Variants in BFSP2 observed in about 807,000 individuals in gnomAD.
The protein encoded by BFSP2 is phakinin.
A neutral mutation model predicts 44.9 loss-of-function variants in BFSP2; 38 were observed. The observed-to-expected ratio is 0.85, with a 90% confidence interval of 0.65 to 1.11. The LOEUF is 1.11. BFSP2 is among the 50% of genes least tolerant of loss of function. The pLI is 0.00. For synonymous variants in BFSP2, 197 were observed against 209.9 expected (o/e 0.94, Z 0.53); for missense variants, 525 against 533.0 (o/e 0.99, Z 0.15).
intron 4 of BFSP2, among the ~76,000 whole-genome samples, chr3:133,458,695 C>CA (rs917485524): frequency 1.9e-4 from 29 of 151,998 alleles, no homozygotes; most frequent in Non-Finnish European, 4.0e-4. Flanking sequence ...GACTTTGTCT[C>CA]AAAAAAACAA....
intron 1 of BFSP2, among the ~76,000 whole-genome samples, chr3:133,429,086 T>C (rs908795973): frequency 6.6e-6 from 1 of 152,158 alleles, no homozygotes; most frequent in Non-Finnish European, 1.5e-5. Context: ...CCCCTTGTAC[T>C]CTGTCCTGAT....
At position 133,424,216 on chromosome 3, in the gene BFSP2, T is replaced by TG. The variant is rs1559963358; in HGVS notation, c.490-23101_490-23100insG. On this transcript the variant is annotated intron_variant, in intron 1 of 6. Transcript: ENST00000302334. Reference sequence around the variant, plus strand: ...GCCTACCACCGCGTCCAGCTAATTTTTTTTTTTTTTTTTTTTTTTTTTTTT... The same window carrying TG: ...GCCTACCACCGCGTCCAGCTAATTTTGTTTTTTTTTTTTTTTTTTTTTTTTT... Among the ~76,000 whole-genome samples, 291 of 49,364 alleles carry TG rather than the reference T, an allele frequency of 5.9e-3. 3 individuals are homozygous for TG. Among genetic ancestry groups the TG allele is most frequent in the African/African-American group, 0.056 (223 of 3,976 alleles). The allele number at this position is 49,364 out of a possible 152,430, so 32.4% of individuals were successfully genotyped here.
intron 3 of BFSP2, chr3:133,448,863 T>C (rs2107924503): frequency 1.7e-6 from 1 of 594,846 alleles, no homozygotes; most frequent in South Asian, 2.1e-5. Flanking sequence ...ACCAGTGTGG[T>C]ACAGAAACAG....
chr3:133,455,533 C>A (rs1364113588), intron 4 of BFSP2: 3 of 152,214 alleles, frequency 2.0e-5, no homozygotes, highest in Non-Finnish European at 2.9e-5. Flanking sequence ...CACTCAGATA[C>A]TCCTCTTTTG....
chr3:133,429,126 A>G (rs1364170341), intron 1 of BFSP2: 2 of 150,252 alleles, frequency 1.3e-5, no homozygotes, highest in African/African-American at 2.5e-5. Flanking sequence ...CCCAGAGGTC[A>G]CTGCTGCCCT....
intron 2 of BFSP2, 89 bp downstream of exon 2, chr3:133,447,488 C>G: frequency 7.7e-7 from 1 of 1,300,954 alleles, no homozygotes; most frequent in South Asian, 1.3e-5. Context: ...CCTGCATCAT[C>G]CACCTTCTAC....
At position 133,408,668 on chromosome 3, in the gene BFSP2, G is replaced by C. The variant is rs183401256; in HGVS notation, c.489+8096G>C. Among the ~76,000 whole-genome samples, 106 of 152,334 alleles carry C rather than the reference G, an allele frequency of 7.0e-4. 2 individuals are homozygous for C. The highest frequency in any genetic ancestry group is 5.0e-3 in the Admixed American group (76 of 15,304). ...AATAAACCATGATGCATCTGCAAAG[G>C]AACAAGAAATCGCTCTATAGCTACT... is the stretch of plus-strand genomic sequence containing the variant. On this transcript the variant is annotated intron_variant, in intron 1 of 6. Coordinates refer to ENST00000302334, the MANE Select transcript of BFSP2 (RefSeq NM_003571.4).
At chr3:133,426,114 A>T (rs1221237505) in intron 1 of BFSP2, among the ~76,000 whole-genome samples, 1 of 147,756 alleles carries the variant, frequency 6.8e-6, no homozygotes, top group Admixed American at 6.8e-5. Flanking sequence ...TTAAAGTCAG[A>T]TTCTTTCTCT....
Position 133,400,088 on chromosome 3 carries a change from G to A in BFSP2, c.5G>A (p.Ser2Asn), listed in dbSNP as rs886058007. 3.5e-5 allele frequency: 56 copies of A among 1,614,062 alleles called. No individual in the cohort carries two copies. Among genetic ancestry groups the A allele is most frequent in the Non-Finnish European group, 4.5e-5 (53 of 1,180,026 alleles). Residue 2 changes from serine to asparagine, a missense_variant, in exon 1 of 7, where the codon AGT becomes AAT. Transcript: ENST00000302334. The surrounding 1 kb of genome is among the most constrained non-coding windows in gnomAD (Gnocchi z 4.0). ...ACCACAGAGGCAGAAGGGGTGATGA[G>A]TGAGAGGCGAGTGGTAGTGGACTTG... M[S>N]ERRVVVDLPT...
intron 1 of BFSP2, among the ~76,000 whole-genome samples, chr3:133,402,733 C>T (rs1050756942): frequency 1.3e-5 from 2 of 151,692 alleles, no homozygotes; most frequent in Non-Finnish European, 2.9e-5. Context: ...CTCCACCTCC[C>T]GGGTTCAAGC....
At chr3:133,440,136 T>C (rs1323264934) in intron 1 of BFSP2, among the ~76,000 whole-genome samples, 2 of 152,152 alleles carry the variant, frequency 1.3e-5, no homozygotes, top group Non-Finnish European at 2.9e-5. Context: ...CAAGAGACCA[T>C]GTGCAGGGGA....
intron 1 of BFSP2, among the ~76,000 whole-genome samples, chr3:133,425,907 A>G (rs577692078): frequency 3.5e-5 from 2 of 57,070 alleles, no homozygotes; most frequent in Admixed American, 2.1e-4. Context: ...GAAATAAGAG[A>G]AAGGAGGGCA....
intron 4 of BFSP2, among the ~76,000 whole-genome samples, chr3:133,457,096 G>A (rs1346962840): frequency 6.6e-6 from 1 of 152,188 alleles, no homozygotes; most frequent in Non-Finnish European, 1.5e-5. Context: ...TTGTGCTATT[G>A]CCATGTTAAC....
intron 4 of BFSP2, among the ~76,000 whole-genome samples, chr3:133,450,889 A>ATCATGAGG (rs2073957527): frequency 6.6e-6 from 1 of 152,186 alleles, no homozygotes; most frequent in African/African-American, 2.4e-5. Context: ...AGGCGGGCGG[A>ATCATGAGG]TCATGAGGTC....
intron 1 of BFSP2, chr3:133,410,681 G>A: frequency 3.8e-6 from 1 of 260,554 alleles, no homozygotes; most frequent in Non-Finnish European, 7.9e-6. Flanking sequence ...TGCAGCCCGT[G>A]GGCGGACAGG....
intron 1 of BFSP2, among the ~76,000 whole-genome samples, chr3:133,430,094 T>C (rs994502961): frequency 1.3e-5 from 2 of 151,920 alleles, no homozygotes; most frequent in African/African-American, 2.4e-5. Context: ...CTCATCCTTT[T>C]TTATGGCTGC....
chr3:133,468,980 TATTA>T (rs1453961525), intron 5 of BFSP2, among the ~76,000 whole-genome samples: 1 of 152,244 alleles, frequency 6.6e-6, no homozygotes, highest in Non-Finnish European at 1.5e-5. Context: ...TGCCATCTAT[TATTA>T]ATTATCATAT....
At chr3:133,467,842 G>A (rs747080439) in intron 5 of BFSP2, among the ~76,000 whole-genome samples, 13 of 152,088 alleles carry the variant, frequency 8.5e-5, no homozygotes, top group Admixed American at 1.3e-4. Flanking sequence ...TCAATGAGGC[G>A]CATGATAGGA....
chr3:133,415,182 C>G (rs2073506918), intron 1 of BFSP2, among the ~76,000 whole-genome samples: 1 of 105,880 alleles, frequency 9.4e-6, no homozygotes, highest in African/African-American at 3.7e-5. Context: ...CCCCTCTACT[C>G]AACTCTGTCC....
Sources: gnomAD v4.1 joint callset for allele counts (sites outside exome capture counted in the v4.1 genomes callset) on GRCh38, gnomAD v4.1.1 for gene constraint, Gnocchi (gnomAD v3.1) non-coding constraint, MANE v1.5 for transcripts, NCBI Gene and HGNC (gene_info 2026-07-23, HGNC 2026-07-21) for gene names.